Variants in DIS3L2 observed in about 807,000 individuals in gnomAD.
DIS3L2 encodes the protein DIS3 like 3'-5' exoribonuclease 2, also known as DIS3-like exonuclease 2.
In DIS3L2, 34 loss-of-function variants were observed where a neutral mutation model predicts 97.5. The ratio of observed to expected loss-of-function variants is 0.35; its 90% CI spans 0.27 to 0.46. The LOEUF (loss-of-function observed/expected upper bound fraction) is 0.46. Ranked by LOEUF, DIS3L2 falls within the 20% of genes least tolerant of loss-of-function variation. DIS3L2 has a pLI of 1.00. For synonymous variants in DIS3L2, 435 were observed against 445.2 expected, an observed-to-expected ratio of 0.98 and a Z score of 0.29; for missense variants, 1,038 against 1,146.0, an observed-to-expected ratio of 0.91 and a Z score of 1.36.
chr2:232,000,239 G>T (rs935338352), intron 1 of DIS3L2, among the ~76,000 whole-genome samples: 1 of 151,910 alleles, frequency 6.6e-6, no homozygotes, highest in African/African-American at 2.4e-5. Flanking sequence ...TATTTTTATT[G>T]TTGTTTCCCC....
At chr2:232,204,057 A>G (rs1194080364) in intron 9 of DIS3L2, among the ~76,000 whole-genome samples, 3 of 152,192 alleles carry the variant, frequency 2.0e-5, no homozygotes, top group Non-Finnish European at 2.9e-5. Flanking sequence ...TAAGGAGTTG[A>G]TGAAGGTTTT....
chr2:232,324,637 G>T (rs1450224014), intron 14 of DIS3L2, among the ~76,000 whole-genome samples: 3 of 152,174 alleles, frequency 2.0e-5, no homozygotes, highest in African/African-American at 7.2e-5. Flanking sequence ...CCTTGCCAGA[G>T]GGTGGCTTTG....
chr2:231,975,300 T>G (rs1693050370), intron 1 of DIS3L2, among the ~76,000 whole-genome samples: 1 of 152,056 alleles, frequency 6.6e-6, no homozygotes, highest in Non-Finnish European at 1.5e-5. Context: ...TGGAACAGGA[T>G]TCTATAATTT....
intron 5 of DIS3L2, among the ~76,000 whole-genome samples, chr2:232,086,692 T>G (rs1049527344): frequency 1.4e-5 from 2 of 145,662 alleles, no homozygotes; most frequent in African/African-American, 2.5e-5. Context: ...TATATATTTT[T>G]TGAGACAGAG....
chr2:232,249,133 TC>T (rs1693346605), intron 11 of DIS3L2, 105 bp from the exon 12 acceptor site: 1 of 1,047,130 alleles, frequency 9.5e-7, no homozygotes. Flanking sequence ...ACCTCCATCT[TC>T]AGCTTGCTCT....
In DIS3L2 at chr2:232,269,917, C is replaced by G. The variant is rs1025356898; in HGVS notation, c.1659+6477C>G. Among the ~76,000 whole-genome samples, 1 of 151,970 alleles carries G rather than the reference C, an allele frequency of 6.6e-6. No homozygotes were observed. Among genetic ancestry groups the G allele is most frequent in the African/African-American group, 2.4e-5 (1 of 41,362 alleles). ...AATAGAATAGAGGAAGTTTATAATC[C>G]AAGAGAGAAATGATGAGGGCCTAAC... On this transcript the variant is annotated intron_variant, in intron 13 of 20. Coordinates refer to ENST00000325385, the MANE Select transcript of DIS3L2 (RefSeq NM_152383.5). The surrounding 1 kb of genome is among the most constrained non-coding windows in gnomAD (Gnocchi z 4.5).
At chr2:232,082,143 G>T (rs55826847) in intron 5 of DIS3L2, among the ~76,000 whole-genome samples, 1,791 of 152,214 alleles carry the variant, frequency 0.012, 19 homozygotes, top group Non-Finnish European at 0.016. Context: ...AGAGTACACA[G>T]GTTTTGAGTC....
chr2:232,015,523 C>T lies in DIS3L2; in HGVS notation c.62C>T (p.Ala21Val). 6.2e-7 allele frequency: 1 copy of T among 1,613,860 alleles called. No individual in the cohort carries two copies. The highest frequency in any genetic ancestry group is 8.5e-7 in the Non-Finnish European group (1 of 1,179,850). ...TGCCTCCTGTTTCTAGGTGTGTCTG[C>T]TGTGGCTGGTCCACATGACATTGGT... ...RPLGTPRGVS[A>V]VAGPHDIGAS... Residue 21 changes from alanine (A) to valine (V), a missense_variant, in exon 3 of 21, where the codon GCT becomes GTT. This residue lies in a region of DIS3L2 where 813 missense variants were observed against 880.1 expected (regional missense o/e 0.92). Transcript: ENST00000325385.
At chr2:232,295,934 C>T (rs898179711) in intron 13 of DIS3L2, among the ~76,000 whole-genome samples, 6 of 152,226 alleles carry the variant, frequency 3.9e-5, no homozygotes, top group Non-Finnish European at 8.8e-5. Context: ...TCCATAGCCA[C>T]TCCCCAGTTT....
At chr2:232,262,763 A>C (rs1053014068) in intron 12 of DIS3L2, among the ~76,000 whole-genome samples, 2 of 150,836 alleles carry the variant, frequency 1.3e-5, no homozygotes, top group African/African-American at 4.9e-5. Context: ...ACCTGTGTTC[A>C]CTCTTTTTGT....
chr2:232,081,770 C>CT (rs1348076044), intron 5 of DIS3L2, among the ~76,000 whole-genome samples: 1 of 152,092 alleles, frequency 6.6e-6, no homozygotes, highest in African/African-American at 2.4e-5. Flanking sequence ...AGCCATTTCT[C>CT]TAAGGAGTCC....
At position 232,163,579 on chromosome 2, in the gene DIS3L2, A is replaced by G. The variant is rs1690718945; in HGVS notation, c.1071A>G (p.Gln357=). 6.2e-7 allele frequency: 1 copy of G among 1,614,102 alleles called. No individual in the cohort carries two copies. Among genetic ancestry groups the G allele is most frequent in the Non-Finnish European group, 8.5e-7 (1 of 1,180,014 alleles). Residue 357 remains glutamine (Q), a synonymous_variant, in exon 9 of 21, where the codon CAA becomes CAG. Coordinates refer to ENST00000325385, the MANE Select transcript of DIS3L2 (RefSeq NM_152383.5). ...FSSEVLECLP[Q]GLPWTIPPEE... The stretch of plus-strand genomic sequence containing the variant: ...CAGAAGTTCTAGAATGTCTTCCTCA[A>G]GGCCTGCCATGGACAATTCCACCAG...
At chr2:232,012,870 A>G (rs115159502) in intron 1 of DIS3L2, among the ~76,000 whole-genome samples, 1,536 of 152,186 alleles carry the variant, frequency 0.01, 21 homozygotes, top group African/African-American at 0.035. Context: ...TTTCTTGGCA[A>G]TCTTATCCAT....
chr2:232,160,842 T>C (rs1477141879), intron 8 of DIS3L2, among the ~76,000 whole-genome samples: 2 of 152,096 alleles, frequency 1.3e-5, no homozygotes, highest in Admixed American at 1.3e-4. Context: ...GGTGACAGAG[T>C]GAGACCCTGT....
chr2:231,993,271 TG>T, intron 1 of DIS3L2, among the ~76,000 whole-genome samples: 1 of 152,000 alleles, frequency 6.6e-6, no homozygotes, highest in South Asian at 2.1e-4. Flanking sequence ...TGGAGTGCAG[TG>T]GTACGATCTT....
At chr2:231,990,701 T>C (rs1265427959) in intron 1 of DIS3L2, among the ~76,000 whole-genome samples, 3 of 152,182 alleles carry the variant, frequency 2.0e-5, no homozygotes, top group Non-Finnish European at 4.4e-5. Flanking sequence ...AAATTTGTTA[T>C]TGTGTGATTT....
chr2:232,309,236 TGAGC>T (rs1461981961), intron 14 of DIS3L2, among the ~76,000 whole-genome samples: 1 of 152,162 alleles, frequency 6.6e-6, no homozygotes, highest in Admixed American at 6.5e-5. Context: ...AGGTAGTGAG[TGAGC>T]CACTCCCCAG....
At chr2:232,032,445 G>A (rs1694829021) in intron 5 of DIS3L2, among the ~76,000 whole-genome samples, 1 of 152,144 alleles carries the variant, frequency 6.6e-6, no homozygotes, top group Non-Finnish European at 1.5e-5. Context: ...TTCCCATTCT[G>A]TAGGTTGCCT....
At position 231,970,058 on chromosome 2, in the gene DIS3L2, A is replaced by G. The variant is rs953359391; in HGVS notation, c.-94+8293A>G. On this transcript the variant is annotated intron_variant, in intron 1 of 20. Coordinates refer to ENST00000325385, the MANE Select transcript of DIS3L2 (RefSeq NM_152383.5). The stretch of plus-strand genomic sequence containing the variant: ...CCTCTGGGGCTCAAGCAGTCCTCCT[A>G]CCTTAGCCTCCCAAGTAGCTGGGAC... 5.3e-5 allele frequency among the ~76,000 whole-genome samples: 8 copies of G among 151,842 alleles called. No individual in the cohort carries two copies. In the East Asian group the frequency reaches 9.7e-4, roughly 18 times the overall value.
Sources: allele counts gnomAD v4.1 joint callset (sites outside exome capture counted in the v4.1 genomes callset), GRCh38; gene constraint gnomAD v4.1.1; regional missense constraint gnomAD v4.1.1; non-coding constraint Gnocchi (gnomAD v3.1); transcripts MANE v1.5; gene names NCBI Gene and HGNC (gene_info 2026-07-23, HGNC 2026-07-21).